NRXN3: variants seen among roughly 807,000 people sequenced by gnomAD.
NRXN3 encodes the protein neurexin 3, also known as neurexin III.
Under a neutral mutation model 137.6 loss-of-function variants are expected in NRXN3, and 32 were observed. The observed-to-expected ratio is 0.23, with a 90% confidence interval of 0.18 to 0.31. The LOEUF (loss-of-function observed/expected upper bound fraction) is 0.31, where lower values mean the gene tolerates loss of function less well. Among genes scored for constraint, NRXN3 ranks in the 10% least tolerant of loss-of-function variants. The pLI is 1.00. For synonymous variants in NRXN3, 798 were observed against 784.5 expected (o/e 1.02, Z -0.29); for missense variants, 1,574 against 2,062.5 (o/e 0.76, Z 4.59).
At chr14:79,331,997 G>A (rs960196228) in intron 15 of NRXN3, among the ~76,000 whole-genome samples, 1 of 152,114 alleles carries the variant, frequency 6.6e-6, no homozygotes, top group Admixed American at 6.5e-5. Flanking sequence ...AGATGGAAAA[G>A]CATGTGTGTA....
At chr14:78,694,760 A>G (rs2098209129) in intron 6 of NRXN3, among the ~76,000 whole-genome samples, 1 of 151,828 alleles carries the variant, frequency 6.6e-6, no homozygotes, top group South Asian at 2.1e-4. Flanking sequence ...ACTCCTAGAC[A>G]ATTTTCTATT....
intron 19 of NRXN3, among the ~76,000 whole-genome samples, chr14:79,735,722 A>C (rs2098939513): frequency 6.6e-6 from 1 of 152,074 alleles, no homozygotes; most frequent in Admixed American, 6.5e-5. Context: ...ATCTTGAAAA[A>C]CTTCTGCAGC....
intron 15 of NRXN3, among the ~76,000 whole-genome samples, chr14:79,152,422 A>G (rs372171606): frequency 1.3e-5 from 2 of 151,912 alleles, no homozygotes; most frequent in African/African-American, 4.8e-5. Flanking sequence ...GACATACGCT[A>G]CTCCCCACCA....
chr14:79,720,647 C>T (rs2098841413), intron 19 of NRXN3, among the ~76,000 whole-genome samples: 1 of 152,026 alleles, frequency 6.6e-6, no homozygotes, highest in African/African-American at 2.4e-5. Context: ...TCCAAGTCTT[C>T]CCTACCACTG....
chr14:79,847,862 A>G (rs1474367930), intron 20 of NRXN3, among the ~76,000 whole-genome samples: 1 of 152,092 alleles, frequency 6.6e-6, no homozygotes, highest in Non-Finnish European at 1.5e-5. Context: ...AAACCCACCT[A>G]AGAAACTGCC....
At position 79,100,124 on chromosome 14, in the gene NRXN3, T is replaced by C. The variant is rs548965219; in HGVS notation, c.3262+111983T>C. On this transcript the variant is annotated intron_variant, in intron 15 of 20. Transcript: ENST00000335750. ...ATTTCCTGCAAGTGGTTTAATTTTG[T>C]ACATTGCTTCTCTGCTCACAGAATG... is the stretch of plus-strand genomic sequence containing the variant. Among the ~76,000 whole-genome samples the C allele has an allele frequency of 3.5e-4, 53 of 152,344 alleles. 1 individual carries two copies. In the South Asian group the frequency reaches 9.5e-3, roughly 27 times the overall value.
intron 16 of NRXN3, among the ~76,000 whole-genome samples, chr14:79,661,434 G>T (rs897860453): frequency 6.6e-6 from 1 of 152,034 alleles, no homozygotes; most frequent in East Asian, 1.9e-4. Flanking sequence ...TGCATGACTT[G>T]TCCATTCTTT....
intron 4 of NRXN3, among the ~76,000 whole-genome samples, chr14:78,566,588 C>A (rs1023415930): frequency 2.6e-5 from 4 of 152,172 alleles, no homozygotes; most frequent in African/African-American, 7.2e-5. Flanking sequence ...CAGAGCCAGA[C>A]CCTACCAGGG....
At chr14:78,535,464 T>G (rs1306874291) in intron 4 of NRXN3, among the ~76,000 whole-genome samples, 1 of 152,224 alleles carries the variant, frequency 6.6e-6, no homozygotes, top group Non-Finnish European at 1.5e-5. Flanking sequence ...GTCCTGACTT[T>G]GCCACTTTAC....
intron 4 of NRXN3, among the ~76,000 whole-genome samples, chr14:78,592,289 G>A (rs1203257975): frequency 6.6e-6 from 1 of 151,860 alleles, no homozygotes; most frequent in Non-Finnish European, 1.5e-5. Flanking sequence ...TACAATTCTT[G>A]TGCAAAGTCT....
Position 79,861,137 on chromosome 14 carries a change from C to T in NRXN3, c.4094-205C>T, listed in dbSNP as rs1603620577. 3 of 1,491,778 alleles carry T rather than the reference C, an allele frequency of 2.0e-6. No homozygotes were observed. Among genetic ancestry groups the T allele is most frequent in the Non-Finnish European group, 2.7e-6 (3 of 1,124,224 alleles). 92.4% of individuals were successfully genotyped at this position (1,491,778 alleles called of 1,614,324 possible). A position where few individuals can be genotyped will look rare whatever the true frequency, so the allele number is the denominator to read the frequency against. On this transcript the variant is annotated intron_variant, in intron 20 of 20. Coordinates refer to ENST00000335750, the MANE Select transcript of NRXN3 (RefSeq NM_001330195.2). The surrounding 1 kb of genome is among the most constrained non-coding windows in gnomAD (Gnocchi z 5.4). ...CATTACACTCCCCCCTACCTTTCGC[C>T]CCCTCCTCACCATTATTGAGACCAC...
intron 17 of NRXN3, among the ~76,000 whole-genome samples, chr14:79,681,268 A>G (rs937904057): frequency 3.3e-5 from 5 of 152,064 alleles, no homozygotes; most frequent in African/African-American, 1.2e-4. Flanking sequence ...GGAAATCCTC[A>G]TAGGAGATAG....
chr14:79,134,062 C>T (rs1032923332), intron 15 of NRXN3, among the ~76,000 whole-genome samples: 1 of 152,116 alleles, frequency 6.6e-6, no homozygotes, highest in East Asian at 1.9e-4. Context: ...TGCTTGTGTG[C>T]CTTCAAATTT....
At chr14:79,207,528 T>C (rs779014666) in intron 15 of NRXN3, among the ~76,000 whole-genome samples, 1 of 152,148 alleles carries the variant, frequency 6.6e-6, no homozygotes, top group Non-Finnish European at 1.5e-5. Flanking sequence ...GAGTTCAGAA[T>C]AGGGGCAGTG....
intron 6 of NRXN3, among the ~76,000 whole-genome samples, chr14:78,653,423 A>G (rs560941208): frequency 6.6e-6 from 1 of 152,330 alleles, no homozygotes; most frequent in South Asian, 2.1e-4. Flanking sequence ...TGAATGAGGC[A>G]TTGGTTGCTG....
intron 16 of NRXN3, among the ~76,000 whole-genome samples, chr14:79,633,930 A>C (rs221478): frequency 0.99 from 150,369 of 152,186 alleles, 74,299 homozygotes; most frequent in East Asian, 1. Context: ...GCCATCTGAC[A>C]CTTTCAGCAC....
In NRXN3 at chr14:78,788,427, T is replaced by C. The variant is rs1204427694; in HGVS notation, c.2045-15193T>C. Among the ~76,000 whole-genome samples, 3 of 152,184 alleles carry C rather than the reference T, an allele frequency of 2.0e-5. No individual in the cohort carries two copies. In the East Asian group the frequency reaches 5.8e-4, roughly 29 times the overall value. ...TTTTGCACCTTGGAATGTGATTCTA[T>C]GTGGATTGCCCTGACAGCTCCCTTG... On this transcript the variant is annotated intron_variant, in intron 8 of 20. Transcript: ENST00000335750.
At chr14:79,438,012 G>A (rs192052977) in intron 15 of NRXN3, among the ~76,000 whole-genome samples, 13 of 152,206 alleles carry the variant, frequency 8.5e-5, no homozygotes, top group South Asian at 6.2e-4. Context: ...AGGCCTCAGC[G>A]TGGCTTCTCT....
intron 1 of NRXN3, among the ~76,000 whole-genome samples, chr14:78,240,495 A>C (rs1335462510): frequency 6.6e-6 from 1 of 152,178 alleles, no homozygotes; most frequent in African/African-American, 2.4e-5. Flanking sequence ...GTGCTAAGTA[A>C]ATATGCTGTG....
Sources: gnomAD v4.1 joint callset for allele counts (sites outside exome capture counted in the v4.1 genomes callset) on GRCh38, gnomAD v4.1.1 for gene constraint, Gnocchi (gnomAD v3.1) non-coding constraint, MANE v1.5 for transcripts, NCBI Gene and HGNC (gene_info 2026-07-23, HGNC 2026-07-21) for gene names.